ERICH3: variants seen among roughly 807,000 people sequenced by gnomAD.
ERICH3 encodes the protein glutamate-rich protein 3.
In ERICH3, 126 loss-of-function variants were observed where a neutral mutation model predicts 131.1. That is an observed-to-expected ratio of 0.96 (90% CI 0.83 to 1.11). The LOEUF (loss-of-function observed/expected upper bound fraction) is 1.11, where lower values mean the gene tolerates loss of function less well. Among genes scored for constraint, ERICH3 ranks in the 50% most tolerant of loss-of-function variants. The pLI is 0.00. For missense variants in ERICH3, 2,050 were observed against 1,810.7 expected (o/e 1.13, Z -2.40); for synonymous variants, 695 against 644.6 (o/e 1.08, Z -1.18).
Position 74,612,812 on chromosome 1 carries a change from G to T in ERICH3, c.1001-3C>A. ...TTTGGAAATAAACTGAAAGGTCTCT[G>T]GAATTAAAATAGAAATACATTAGTG... is the stretch of plus-strand genomic sequence containing the variant. On this transcript the variant is annotated splice_region_variant and splice_polypyrimidine_tract_variant and intron_variant, in intron 8 of 14. Transcript: ENST00000326665. The T allele has an allele frequency of 1.9e-6, 3 of 1,559,730 alleles. No individual in the cohort carries two copies. The highest frequency in any genetic ancestry group is 1.7e-4 in the Middle Eastern group (1 of 5,836).
intron 1 of ERICH3, among the ~76,000 whole-genome samples, chr1:74,670,073 T>C (rs555440745): frequency 1.3e-5 from 2 of 152,362 alleles, no homozygotes; most frequent in East Asian, 1.9e-4. Context: ...GGAAAAACTT[T>C]AGCAATTCAA....
At position 74,612,820 on chromosome 1, in the gene ERICH3, A is replaced by T. The variant is rs755326204; in HGVS notation, c.1001-11T>A. The T allele has an allele frequency of 3.9e-6, 6 of 1,556,896 alleles. No homozygotes were observed. The Admixed American group carries it at 1.0e-4, about 27-fold the overall frequency. ...TAAACTGAAAGGTCTCTGGAATTAA[A>T]ATAGAAATACATTAGTGAAAGCAAC... On this transcript the variant is annotated splice_polypyrimidine_tract_variant and intron_variant, in intron 8 of 14. Transcript: ENST00000326665.
chr1:74,605,002 G>T (rs935551858), intron 10 of ERICH3, among the ~76,000 whole-genome samples: 4 of 151,652 alleles, frequency 2.6e-5, no homozygotes, highest in Non-Finnish European at 5.9e-5. Flanking sequence ...CCAATGTAAG[G>T]CTTTTTCATC....
At chr1:74,640,364 C>T (rs1646427532) in intron 5 of ERICH3, among the ~76,000 whole-genome samples, 2 of 152,118 alleles carry the variant, frequency 1.3e-5, no homozygotes, top group African/African-American at 4.8e-5. Context: ...TGCTTTTCAT[C>T]ATTTGAGCTG....
Position 74,620,717 on chromosome 1 carries a change from T to A in ERICH3, c.1000+17A>T, listed in dbSNP as rs768539339. ...TCAACTCCAAGCAATTAAAAAACAT[T>A]CACATTTTATGTGTACCTTTTTCAA... is the stretch of plus-strand genomic sequence containing the variant. On this transcript the variant is annotated intron_variant, in intron 8 of 14. Transcript: ENST00000326665. 1 of 1,560,366 alleles carries A rather than the reference T, an allele frequency of 6.4e-7. No homozygotes were observed. Among genetic ancestry groups the A allele is most frequent in the Non-Finnish European group, 8.7e-7 (1 of 1,152,946 alleles).
intron 7 of ERICH3, chr1:74,625,031 T>G (rs1038871992): frequency 6.6e-6 from 1 of 152,130 alleles, no homozygotes; most frequent in African/African-American, 2.4e-5. Flanking sequence ...CACCTGATCT[T>G]GTGATGGTTA....
intron 1 of ERICH3, among the ~76,000 whole-genome samples, chr1:74,663,133 T>C (rs992483989): frequency 1.3e-5 from 2 of 152,182 alleles, no homozygotes; most frequent in Non-Finnish European, 2.9e-5. Flanking sequence ...AGTTGTCCTG[T>C]AGAAATCTGT....
At chr1:74,662,571 A>G (rs1448384245) in intron 1 of ERICH3, among the ~76,000 whole-genome samples, 1 of 152,204 alleles carries the variant, frequency 6.6e-6, no homozygotes, top group Non-Finnish European at 1.5e-5. Flanking sequence ...GTTAAAAAAA[A>G]GGAAAAATCC....
intron 8 of ERICH3, among the ~76,000 whole-genome samples, chr1:74,615,014 G>A (rs1557684429): frequency 6.6e-6 from 1 of 152,090 alleles, no homozygotes; most frequent in Non-Finnish European, 1.5e-5. Flanking sequence ...TGCACTTAAG[G>A]AAATGTTGAG....
At chr1:74,645,208 T>TG (rs1557697839) in intron 3 of ERICH3, among the ~76,000 whole-genome samples, 1 of 151,528 alleles carries the variant, frequency 6.6e-6, no homozygotes, top group Non-Finnish European at 1.5e-5. Context: ...TCTACAGTAT[T>TG]TTTTTTTAAT....
chr1:74,648,818 G>A (rs954236157), intron 2 of ERICH3, among the ~76,000 whole-genome samples: 5 of 152,096 alleles, frequency 3.3e-5, no homozygotes, highest in African/African-American at 1.2e-4. Context: ...ATGTTGAAAT[G>A]TACATGTCTT....
intron 5 of ERICH3, among the ~76,000 whole-genome samples, chr1:74,638,381 C>T (rs528141225): frequency 6.6e-6 from 1 of 152,214 alleles, no homozygotes; most frequent in East Asian, 1.9e-4. Context: ...TACCTGAGAC[C>T]AGAACTTAGA....
At chr1:74,574,450 C>A (rs1647015938) in intron 13 of ERICH3, among the ~76,000 whole-genome samples, 2 of 152,110 alleles carry the variant, frequency 1.3e-5, no homozygotes, top group Non-Finnish European at 2.9e-5. Flanking sequence ...CAAATTGAGT[C>A]TTTAGTAAAA....
intron 12 of ERICH3, among the ~76,000 whole-genome samples, chr1:74,589,081 A>G (rs536551530): frequency 1.3e-5 from 2 of 152,240 alleles, no homozygotes; most frequent in African/African-American, 4.8e-5. Context: ...TTGGTAACTT[A>G]TTTAACCTTT....
upstream of ERICH3, among the ~76,000 whole-genome samples, chr1:74,673,903 T>C (rs1435446585): frequency 3.3e-5 from 5 of 151,870 alleles, no homozygotes; most frequent in African/African-American, 1.2e-4. Context: ...AGGGCGCGAG[T>C]TCCCCAGGTA....
At chr1:74,613,699 A>T (rs1033360200) in intron 8 of ERICH3, among the ~76,000 whole-genome samples, 1 of 152,114 alleles carries the variant, frequency 6.6e-6, no homozygotes, top group Non-Finnish European at 1.5e-5. Flanking sequence ...CACTGCTTAC[A>T]ATTAATAGTT....
chr1:74,593,966 T>C (rs1647725396), intron 11 of ERICH3, among the ~76,000 whole-genome samples: 1 of 152,084 alleles, frequency 6.6e-6, no homozygotes, highest in South Asian at 2.1e-4. Flanking sequence ...CTGTTACCAC[T>C]TGAGACTGAC....
Position 74,573,188 on chromosome 1 carries a change from C to G in ERICH3, c.2522G>C (p.Gly841Ala). 1 of 1,613,262 alleles carries G rather than the reference C, an allele frequency of 6.2e-7. No individual in the cohort carries two copies. Among genetic ancestry groups the G allele is most frequent in the Non-Finnish European group, 8.5e-7 (1 of 1,179,540 alleles). The change falls in exon 14 of 15, where the codon GGA (glycine) becomes GCA (alanine). Residue 841 changes from glycine (G) to alanine (A), a missense_variant. Physicochemically the swap from Gly to Ala is moderately conservative, Grantham distance 60. Transcript: ENST00000326665. Reference sequence around the variant, plus strand: ...TCTGACCCCTTCTGCTTCTGCTGCTCCCTCTGCCCCCCTTTCTATGCCTGG... The same window carrying G: ...TCTGACCCCTTCTGCTTCTGCTGCTGCCTCTGCCCCCCTTTCTATGCCTGG... ...IPPGIERGAE[G>A]AAEAEGVRRL...
chr1:74,589,345 T>C, intron 12 of ERICH3: 2 of 533,416 alleles, frequency 3.7e-6, no homozygotes, highest in Non-Finnish European at 6.6e-6. Context: ...AGACACATAC[T>C]GTGCTTTATT....
Sources: allele counts gnomAD v4.1 joint callset (sites outside exome capture counted in the v4.1 genomes callset), GRCh38; gene constraint gnomAD v4.1.1; transcripts MANE v1.5; gene names NCBI Gene and HGNC (gene_info 2026-07-23, HGNC 2026-07-21).